C11orf65: variants seen among roughly 807,000 people sequenced by gnomAD.
C11orf65 encodes chromosome 11 open reading frame 65.
Under a neutral mutation model 35.3 loss-of-function variants are expected in C11orf65, and 38 were observed. The observed-to-expected ratio is 1.08, with a 90% confidence interval of 0.83 to 1.41. C11orf65 has a LOEUF of 1.41. Ranked by LOEUF, C11orf65 falls within the 40% of genes most tolerant of loss-of-function variation. The pLI is 0.00. For synonymous variants in C11orf65, 105 were observed against 114.4 expected (o/e 0.92, Z 0.53); for missense variants, 370 against 367.1 (o/e 1.01, Z -0.06).
At chr11:108,455,926 G>T (rs1238780177) in intron 2 of C11orf65, among the ~76,000 whole-genome samples, 2 of 152,054 alleles carry the variant, frequency 1.3e-5, no homozygotes, top group African/African-American at 4.8e-5. Flanking sequence ...GGCCAAGGTG[G>T]GTAGATCACT....
At chr11:108,347,683 A>G (rs1052453341) in intron 2 of C11orf65, among the ~76,000 whole-genome samples, 3 of 152,114 alleles carry the variant, frequency 2.0e-5, no homozygotes, top group Non-Finnish European at 4.4e-5. Flanking sequence ...GAGTAATTTT[A>G]AGATGTAGCA....
chr11:108,377,581 T>C, intron 2 of C11orf65, among the ~76,000 whole-genome samples: 1 of 151,458 alleles, frequency 6.6e-6, no homozygotes, highest in East Asian at 1.9e-4. Context: ...AAGACAGGGA[T>C]GCCCTCTCTC....
At chr11:108,374,725 G>A (rs542867370) in intron 2 of C11orf65, among the ~76,000 whole-genome samples, 1 of 152,156 alleles carries the variant, frequency 6.6e-6, no homozygotes, top group Non-Finnish European at 1.5e-5. Context: ...AGGCAAAGAA[G>A]TTGAAAACTT....
At chr11:108,421,599 A>C (rs2092818013) in intron 3 of C11orf65, among the ~76,000 whole-genome samples, 1 of 152,126 alleles carries the variant, frequency 6.6e-6, no homozygotes, top group Non-Finnish European at 1.5e-5. Context: ...CGAAGGTTGC[A>C]GTGAGCCGAG....
intron 2 of C11orf65, among the ~76,000 whole-genome samples, chr11:108,358,053 T>C (rs1301885572): frequency 6.9e-6 from 1 of 145,140 alleles, no homozygotes. Context: ...TTGAAAAAAA[T>C]TTAGAAGAAT....
At chr11:108,325,960 C>T (rs2085633669) in intron 6 of C11orf65, 1 of 1,443,098 alleles carries the variant, frequency 6.9e-7, no homozygotes, top group African/African-American at 1.4e-5. Context: ...TAGTTAAGTC[C>T]TCAATGAATG....
rs893041789 is a variant in C11orf65, at chr11:108,449,317, C to G, written c.81+12162G>C. On this transcript the variant is annotated intron_variant, in intron 2 of 8. Transcript: ENST00000393084. ...TTCATATGGAACCAAAAAAAGAGCCCACATAGCCAAGTGAATCCTAAGCCA... is the reference window on the plus strand; with the variant it reads ...TTCATATGGAACCAAAAAAAGAGCCGACATAGCCAAGTGAATCCTAAGCCA... Among the ~76,000 whole-genome samples, 72 of 151,788 alleles carry G rather than the reference C, an allele frequency of 4.7e-4. 1 individual carries two copies. Among genetic ancestry groups the G allele is most frequent in the African/African-American group, 1.7e-3 (68 of 41,156 alleles).
intron 2 of C11orf65, among the ~76,000 whole-genome samples, chr11:108,459,772 T>A (rs894322818): frequency 5.2e-4 from 52 of 99,698 alleles, no homozygotes; most frequent in Non-Finnish European, 9.8e-4. Flanking sequence ...CACACACACC[T>A]CTTTATTTAC....
At chr11:108,424,258 T>C (rs907890313) in intron 3 of C11orf65, among the ~76,000 whole-genome samples, 1 of 152,076 alleles carries the variant, frequency 6.6e-6, no homozygotes, top group Admixed American at 6.5e-5. Flanking sequence ...TTGTGAAGGA[T>C]ACACAAGTAT....
chr11:108,355,986 A>G (rs1282074709), intron 2 of C11orf65: 3 of 152,208 alleles, frequency 2.0e-5, no homozygotes, highest in Non-Finnish European at 4.4e-5. Context: ...GGTCCCAATA[A>G]TACGTTGGTA....
rs763730344 is a variant in C11orf65 at position 108,331,965 on chromosome 11, G to C, written c.300-398C>G. 1.2e-6 allele frequency: 2 copies of C among 1,613,970 alleles called. No individual in the cohort carries two copies. The highest frequency in any genetic ancestry group is 2.2e-5 in the South Asian group (2 of 91,062). ...CAAATGCAAACAGAGATGAATTTCT[G>C]ACTAAACCAGAGGTAGCCAGAAGAA... is the stretch of plus-strand genomic sequence containing the variant. On this transcript the variant is annotated intron_variant, in intron 3 of 3. Transcript: ENST00000524755.
intron 2 of C11orf65, among the ~76,000 whole-genome samples, chr11:108,449,874 T>C (rs1455586410): frequency 6.6e-6 from 1 of 151,860 alleles, no homozygotes; most frequent in Non-Finnish European, 1.5e-5. Flanking sequence ...AGAATATTTT[T>C]GCAACCTACT....
chr11:108,443,614 ACTGT>A (rs969895371), intron 2 of C11orf65, among the ~76,000 whole-genome samples: 3 of 152,140 alleles, frequency 2.0e-5, no homozygotes, highest in African/African-American at 7.2e-5. Flanking sequence ...ATTATAACAA[ACTGT>A]CTCTCAGACC....
Position 108,389,833 on chromosome 11 carries a change from T to A in C11orf65, c.731+3375A>T, listed in dbSNP as rs186691865. ...CCTCGGCCTCCCAAGTAGCTAGGAC[T>A]ACAGGCACCCACCACCACGCCCGGC... On this transcript the variant is annotated intron_variant, in intron 7 of 8. Coordinates refer to ENST00000393084, the MANE Select transcript of C11orf65 (RefSeq NM_152587.5). 8.3e-3 allele frequency among the ~76,000 whole-genome samples: 1,260 copies of A among 151,844 alleles called. 14 individuals are homozygous for A. Among genetic ancestry groups the A allele is most frequent in the African/African-American group, 0.029 (1,195 of 41,418 alleles).
chr11:108,341,994 A>G (rs1041340599), intron 2 of C11orf65, among the ~76,000 whole-genome samples: 4 of 152,168 alleles, frequency 2.6e-5, no homozygotes, highest in Non-Finnish European at 4.4e-5. Flanking sequence ...GACTTGTCCA[A>G]CCCACAGCCT....
At chr11:108,343,334 A>C in intron 2 of C11orf65, 1 of 1,614,032 alleles carries the variant, frequency 6.2e-7, no homozygotes, top group Non-Finnish European at 8.5e-7. Context: ...TACAGGCCAA[A>C]TGATTTCAGT....
At chr11:108,328,911 C>A, downstream of C11orf65, 1 of 1,177,804 alleles carries the variant, frequency 8.5e-7, no homozygotes, top group South Asian at 1.4e-5. Flanking sequence ...ATTTAGCTAG[C>A]TTTTATATGT....
At chr11:108,408,343 C>T (rs1052174467) in intron 3 of C11orf65, among the ~76,000 whole-genome samples, 2 of 151,900 alleles carry the variant, frequency 1.3e-5, no homozygotes, top group Non-Finnish European at 2.9e-5. Flanking sequence ...AGTAGATGAC[C>T]TTTCCTAATT....
intron 2 of C11orf65, among the ~76,000 whole-genome samples, chr11:108,457,653 A>G (rs1345258880): frequency 6.6e-6 from 1 of 152,170 alleles, no homozygotes; most frequent in African/African-American, 2.4e-5. Flanking sequence ...AAAAAAAGAA[A>G]GTTAAAAACG....
Sources: gnomAD v4.1 joint callset for allele counts (sites outside exome capture counted in the v4.1 genomes callset) on GRCh38, gnomAD v4.1.1 for gene constraint, MANE v1.5 for transcripts, NCBI Gene and HGNC (gene_info 2026-07-23, HGNC 2026-07-21) for gene names.